Variants in ZFAND3 observed in about 807,000 individuals in gnomAD.
The protein encoded by ZFAND3 is zinc finger AN1-type containing 3.
ZFAND3 carries 10 observed loss-of-function variants against 29.6 expected under a neutral mutation model. That is an observed-to-expected ratio of 0.34 (90% CI 0.21 to 0.57). ZFAND3 has a LOEUF of 0.57. Among genes scored for constraint, ZFAND3 ranks in the 20% least tolerant of loss-of-function variants. ZFAND3 has a pLI of 0.86. For synonymous variants in ZFAND3, 128 were observed against 112.6 expected (o/e 1.14, Z -0.87); for missense variants, 230 against 304.5 (o/e 0.76, Z 1.82).
chr6:38,041,671 T>C (rs186328989), intron 2 of ZFAND3, among the ~76,000 whole-genome samples: 1,856 of 26,242 alleles, frequency 0.071, 61 homozygotes, highest in African/African-American at 0.12. Context: ...CTTCTTCTTC[T>C]TCTTCTTCTT....
At chr6:37,873,409 T>C (rs12211981) in intron 1 of ZFAND3, among the ~76,000 whole-genome samples, 45,494 of 152,234 alleles carry the variant, frequency 0.3, 7,507 homozygotes, top group Non-Finnish European at 0.38. Flanking sequence ...AATTCATACA[T>C]AATCACTTGT....
intron 5 of ZFAND3, among the ~76,000 whole-genome samples, chr6:38,141,246 C>T (rs1765948128): frequency 6.6e-6 from 1 of 152,230 alleles, no homozygotes; most frequent in South Asian, 2.1e-4. Context: ...GTCTACAGCC[C>T]ATTCCTTTCT....
chr6:38,148,946 C>T (rs1644548659), intron 5 of ZFAND3, among the ~76,000 whole-genome samples: 1 of 152,128 alleles, frequency 6.6e-6, no homozygotes, highest in African/African-American at 2.4e-5. Flanking sequence ...GGAAGTTAGC[C>T]CTCCAGAGTT....
At chr6:38,150,949 G>A (rs1302281038) in intron 5 of ZFAND3, among the ~76,000 whole-genome samples, 3 of 152,186 alleles carry the variant, frequency 2.0e-5, no homozygotes, top group African/African-American at 7.2e-5. Flanking sequence ...TGGAGGTGTG[G>A]TGAGATAATG....
intron 2 of ZFAND3, among the ~76,000 whole-genome samples, chr6:37,986,333 G>C (rs1762671402): frequency 6.6e-6 from 1 of 152,098 alleles, no homozygotes. Context: ...TTTGTGGTCT[G>C]TTAAGTGACT....
intron 5 of ZFAND3, chr6:38,142,248 T>A (rs749916294): frequency 2.1e-6 from 1 of 471,466 alleles, no homozygotes; most frequent in South Asian, 1.5e-5. Context: ...AAATGTTCCT[T>A]TCTTTTCCAG....
chr6:37,861,845 T>TC (rs777684802), intron 1 of ZFAND3, among the ~76,000 whole-genome samples: 23 of 152,250 alleles, frequency 1.5e-4, no homozygotes, highest in Non-Finnish European at 2.8e-4. Context: ...TTCTAATATT[T>TC]CACTGTTTTT....
chr6:37,922,821 C>T (rs578210767), intron 1 of ZFAND3, among the ~76,000 whole-genome samples: 3 of 152,300 alleles, frequency 2.0e-5, no homozygotes, highest in African/African-American at 7.2e-5. Context: ...ATGAATGGAG[C>T]TTACAAGACT....
At chr6:38,094,595 A>G (rs1274099027) in intron 4 of ZFAND3, among the ~76,000 whole-genome samples, 1 of 152,210 alleles carries the variant, frequency 6.6e-6, no homozygotes, top group Admixed American at 6.5e-5. Flanking sequence ...CTGGCATGAA[A>G]TAGGAAGATT....
At chr6:37,937,449 G>T (rs1435343826) in intron 2 of ZFAND3, among the ~76,000 whole-genome samples, 1 of 151,980 alleles carries the variant, frequency 6.6e-6, no homozygotes, top group Non-Finnish European at 1.5e-5. Flanking sequence ...GAGGTCAGGA[G>T]ATCGAGACCA....
intron 5 of ZFAND3, among the ~76,000 whole-genome samples, chr6:38,134,156 C>T (rs1765797639): frequency 6.6e-6 from 1 of 152,128 alleles, no homozygotes; most frequent in African/African-American, 2.4e-5. Flanking sequence ...AAACCGGGTC[C>T]ACAGCATGGT....
chr6:37,843,932 TG>T (rs1198634489), intron 1 of ZFAND3, among the ~76,000 whole-genome samples: 1 of 152,118 alleles, frequency 6.6e-6, no homozygotes, highest in Non-Finnish European at 1.5e-5. Context: ...TTTCTTTTTT[TG>T]GGGGGACAGA....
chr6:37,960,502 T>C (rs1355561233), intron 2 of ZFAND3, among the ~76,000 whole-genome samples: 1 of 152,202 alleles, frequency 6.6e-6, no homozygotes, highest in African/African-American at 2.4e-5. Context: ...AATTCCTTTG[T>C]GGCACTGCTC....
At chr6:38,010,292 G>A (rs1252328741) in intron 2 of ZFAND3, among the ~76,000 whole-genome samples, 1 of 152,146 alleles carries the variant, frequency 6.6e-6, no homozygotes, top group Non-Finnish European at 1.5e-5. Context: ...AAAAACAGGT[G>A]TGCATGGGGA....
chr6:38,043,795 C>T (rs1472713543), intron 2 of ZFAND3, among the ~76,000 whole-genome samples: 1 of 144,214 alleles, frequency 6.9e-6, no homozygotes, highest in Non-Finnish European at 1.6e-5. Flanking sequence ...CTTGCTTGCT[C>T]GCTTGCTTAT....
Position 38,123,425 on chromosome 6 carries a change from T to C in ZFAND3, c.529+6686T>C, listed in dbSNP as rs79627926. ...CAGGAACATTTGGCATTCTGTCTTA[T>C]GTCTGTAAAGGAAAGTGAGGCAGTA... On this transcript the variant is annotated intron_variant, in intron 5 of 5. Coordinates refer to ENST00000287218, the MANE Select transcript of ZFAND3 (RefSeq NM_021943.3). 3.3e-5 allele frequency among the ~76,000 whole-genome samples: 5 copies of C among 152,354 alleles called. No homozygotes were observed. The East Asian group carries it at 7.7e-4, about 23-fold the overall frequency.
intron 1 of ZFAND3, among the ~76,000 whole-genome samples, chr6:37,888,183 G>A (rs1412589495): frequency 2.6e-5 from 4 of 152,164 alleles, no homozygotes; most frequent in Non-Finnish European, 4.4e-5. Context: ...ATTAGAGTAT[G>A]GTTAAAATTT....
At chr6:38,106,025 C>T (rs1765200317) in intron 4 of ZFAND3, among the ~76,000 whole-genome samples, 1 of 152,170 alleles carries the variant, frequency 6.6e-6, no homozygotes, top group Admixed American at 6.5e-5. Flanking sequence ...CTTCATTTCC[C>T]TGAAAACTCA....
chr6:37,833,625 G>A (rs1763904081), intron 1 of ZFAND3, among the ~76,000 whole-genome samples: 1 of 151,944 alleles, frequency 6.6e-6, no homozygotes, highest in South Asian at 2.1e-4. Flanking sequence ...AGGAGTTAGA[G>A]ACTAGCCTGG....
Sources: allele counts gnomAD v4.1 joint callset (sites outside exome capture counted in the v4.1 genomes callset), GRCh38; gene constraint gnomAD v4.1.1; transcripts MANE v1.5; gene names NCBI Gene and HGNC (gene_info 2026-07-23, HGNC 2026-07-21).